The following RGS4 variants were observed in gnomAD, a reference collection of about 807,000 sequenced individuals.
RGS4 encodes the protein regulator of G protein signaling 4, also known as schizophrenia disorder 9.
In RGS4, 15 loss-of-function variants were observed where a neutral mutation model predicts 21.6. The ratio of observed to expected loss-of-function variants is 0.69; its 90% CI spans 0.46 to 1.07. The LOEUF (loss-of-function observed/expected upper bound fraction) is 1.07. Among genes scored for constraint, RGS4 ranks in the 50% least tolerant of loss-of-function variants. The pLI is 0.00. For missense variants in RGS4, 237 were observed against 239.0 expected, an observed-to-expected ratio of 0.99 and a Z score of 0.06; for synonymous variants, 94 against 85.5, an observed-to-expected ratio of 1.10 and a Z score of -0.55.
chr1:163,074,967 T>A lies in RGS4; in HGVS notation c.*407T>A, dbSNP rs1251599685. 1 of 486,890 alleles carries A rather than the reference T, an allele frequency of 2.1e-6. No individual in the cohort carries two copies. Among genetic ancestry groups the A allele is most frequent in the South Asian group, 2.5e-5 (1 of 39,762 alleles). 30.2% of individuals were successfully genotyped at this position (486,890 alleles called of 1,614,324 possible). ...CAGCACGTTCTCCAGACTCTAGATG[T>A]TTAGATGAGGTTGAGCTATGATATG... On this transcript the variant is annotated 3_prime_UTR_variant, in exon 5 of 5. Transcript: ENST00000367909.
In RGS4 at chr1:163,073,487, G is replaced by A. The variant is rs777526265; in HGVS notation, c.243G>A (p.Lys81=). Residue 81 remains lysine (K), a synonymous_variant, in exon 4 of 5, where the codon AAG becomes AAA. Coordinates refer to ENST00000367909, the MANE Select transcript of RGS4 (RefSeq NM_005613.6). ...TGGCAGCTTTCAAAGCTTTCTTGAA[G>A]TCTGAATATAGTGAGGAGAATATTG... The part of the protein sequence containing the change: ...CGLAAFKAFL[K]SEYSEENIDF... 3.1e-6 allele frequency: 5 copies of A among 1,594,908 alleles called. No homozygotes were observed. The Admixed American group carries it at 7.3e-5, about 23-fold the overall frequency.
At chr1:163,074,127 C>T in intron 4 of RGS4, 194 bp from the exon 5 acceptor site, 1 of 652,868 alleles carries the variant, frequency 1.5e-6, no homozygotes, top group Non-Finnish European at 2.6e-6. Context: ...GCCCTGCTCT[C>T]TCTAAAGCAG....
At position 163,071,968 on chromosome 1, in the gene RGS4, C is replaced by A. The variant is rs1046401281; in HGVS notation, c.45-427C>A. ...GGGGAACAGATGGAAATAGCAATCA[C>A]CTGCCAGAAGGTGGCGTGCAGCAAG... On this transcript the variant is annotated intron_variant, in intron 1 of 4. Coordinates refer to ENST00000367909, the MANE Select transcript of RGS4 (RefSeq NM_005613.6). 3.1e-5 allele frequency: 31 copies of A among 984,168 alleles called. No homozygotes were observed. In the Admixed American group the frequency reaches 1.7e-3, roughly 54 times the overall value. 61.0% of individuals were successfully genotyped at this position (984,168 alleles called of 1,614,324 possible). A position where few individuals can be genotyped will look rare whatever the true frequency, so the allele number is the denominator to read the frequency against.
At chr1:163,074,154 C>G (rs1655419360) in intron 4 of RGS4, 167 bp from the exon 5 acceptor site, 2 of 767,126 alleles carry the variant, frequency 2.6e-6, no homozygotes, top group Admixed American at 4.9e-5. Context: ...TCATTCTGAA[C>G]CTTTCATACT....
In RGS4 at chr1:163,075,084, T is replaced by C. The variant is rs546793260; in HGVS notation, c.*524T>C. 1.9e-3 allele frequency: 292 copies of C among 156,262 alleles called. No homozygotes were observed. The highest frequency in any genetic ancestry group is 2.6e-3 in the Non-Finnish European group (218 of 82,832). The allele number at this position is 156,262 out of a possible 1,614,324, so 9.7% of individuals were successfully genotyped here. A position where few individuals can be genotyped will look rare whatever the true frequency, so the allele number is the denominator to read the frequency against. On this transcript the variant is annotated 3_prime_UTR_variant, in exon 5 of 5. Coordinates refer to ENST00000367909, the MANE Select transcript of RGS4 (RefSeq NM_005613.6). ...ATATAGATGTCTGTGTATACATATG[T>C]ATGTGTGAGTGTATGTATACACACA...
upstream of RGS4, chr1:163,069,123 C>A: frequency 2.0e-6 from 3 of 1,504,506 alleles, 1 homozygote; most frequent in South Asian, 4.1e-5. Flanking sequence ...TCTAGAAATT[C>A]TAAACCTCTG....
At chr1:163,071,093 A>G (rs1260054887) in intron 1 of RGS4, among the ~76,000 whole-genome samples, 4 of 152,180 alleles carry the variant, frequency 2.6e-5, no homozygotes. Flanking sequence ...GCACATAGAA[A>G]TATGAATTCG....
At chr1:163,071,074 G>A (rs2344671) in intron 1 of RGS4, among the ~76,000 whole-genome samples, 18,520 of 152,090 alleles carry the variant, frequency 0.12, 1,194 homozygotes, top group Admixed American at 0.14. Flanking sequence ...AGGATCTCAG[G>A]TGGATCCAGC....
chr1:163,072,816 AG>A lies in RGS4; in HGVS notation c.163del (p.Glu55LysfsTer12). The A allele has an allele frequency of 6.2e-7, 1 of 1,612,994 alleles. No homozygotes were observed. The highest frequency in any genetic ancestry group is 2.2e-5 in the East Asian group (1 of 44,792). On this transcript the variant is annotated frameshift_variant, in exon 3 of 5. Coordinates refer to ENST00000367909, the MANE Select transcript of RGS4 (RefSeq NM_005613.6). LOFTEE classifies it high-confidence loss of function. ...TCTATTTTTTCTAGAGTGAGCCAAG[AG>A]GAAGTCAAGAAATGGGCTGAATCAC... The part of the protein sequence containing the change: ...KVVICQRVSQ[E>X]EVKKWAESLE...
At position 163,076,128 on chromosome 1, in the gene RGS4, T is replaced by C. The variant is rs908002423; in HGVS notation, c.*1568T>C. ...GAGGTACAGGATATCACCTGAATTA[T>C]TAATGAATGCCCAGGAAGTAATTTT... On this transcript the variant is annotated 3_prime_UTR_variant, in exon 5 of 5. Transcript: ENST00000367909. The C allele has an allele frequency of 6.6e-6, 1 of 152,630 alleles. No individual in the cohort carries two copies. Among genetic ancestry groups the C allele is most frequent in the African/African-American group, 2.4e-5 (1 of 41,464 alleles). 9.5% of individuals were successfully genotyped at this position (152,630 alleles called of 1,614,324 possible). A position where few individuals can be genotyped will look rare whatever the true frequency, so the allele number is the denominator to read the frequency against.
At position 163,075,843 on chromosome 1, in the gene RGS4, C is replaced by T. The variant is rs989245002; in HGVS notation, c.*1283C>T. ...AAATTTTCACAATTTGAAAAGCCCA[C>T]ATAAGTTTTCTCTTTTAAGGTAGAA... is the stretch of plus-strand genomic sequence containing the variant. On this transcript the variant is annotated 3_prime_UTR_variant, in exon 5 of 5. Transcript: ENST00000367909. 1 of 152,460 alleles carries T rather than the reference C, an allele frequency of 6.6e-6. No individual in the cohort carries two copies. Among genetic ancestry groups the T allele is most frequent in the African/African-American group, 2.4e-5 (1 of 41,386 alleles). 9.4% of individuals were successfully genotyped at this position (152,460 alleles called of 1,614,324 possible). A position where few individuals can be genotyped will look rare whatever the true frequency, so the allele number is the denominator to read the frequency against.
chr1:163,073,390 T>TGAAATAGCATATCCAAGAGGCCA (rs1655387456), intron 3 of RGS4, 66 bp from the exon 4 acceptor site: 4 of 1,308,198 alleles, frequency 3.1e-6, no homozygotes, highest in Admixed American at 2.6e-5. Context: ...CAGCTTTATG[T>TGAAATAGCATATCCAAGAGGCCA]GAAATAGCAT....
chr1:163,074,244 A>T, intron 4 of RGS4, 77 bp from the exon 5 acceptor site: 2 of 1,578,132 alleles, frequency 1.3e-6, no homozygotes, highest in Non-Finnish European at 1.7e-6. Context: ...TGCCACTTAC[A>T]AGTCACTACA....
At chr1:163,073,910 G>A (rs1200334766) in intron 4 of RGS4, 1 of 370,302 alleles carries the variant, frequency 2.7e-6, no homozygotes, top group Non-Finnish European at 4.8e-6. Context: ...TAGCCAACCT[G>A]ACCAAAAAGG....
At chr1:163,069,170 T>A, upstream of RGS4, 1 of 1,499,996 alleles carries the variant, frequency 6.7e-7, no homozygotes, top group South Asian at 1.4e-5. Context: ...TTTTCCCATA[T>A]CCCTACTTTT....
rs915888658 is a variant in RGS4, at chr1:163,074,465, C to A, written c.523C>A (p.Leu175Ile). The A allele has an allele frequency of 8.1e-6, 13 of 1,613,780 alleles. No homozygotes were observed. Among genetic ancestry groups the A allele is most frequent in the Non-Finnish European group, 1.1e-5 (13 of 1,179,836 alleles). The change falls in exon 5 of 5, where the codon CTT (leucine) becomes ATT (isoleucine). Residue 175 changes from leucine to isoleucine, a missense_variant. Coordinates refer to ENST00000367909, the MANE Select transcript of RGS4 (RefSeq NM_005613.6). Reference protein sequence around the residue: ...YRRFLKSRFYLDLVNPSSCGA... With the variant: ...YRRFLKSRFYIDLVNPSSCGA... ...CCGCTTCCTCAAGTCTCGATTCTAT[C>A]TTGATTTGGTCAACCCGTCCAGCTG...
In RGS4 at chr1:163,076,096, A is replaced by G. The variant is rs1172648994; in HGVS notation, c.*1536A>G. On this transcript the variant is annotated 3_prime_UTR_variant, in exon 5 of 5. Coordinates refer to ENST00000367909, the MANE Select transcript of RGS4 (RefSeq NM_005613.6). ...CGTGTTATTATTATTATATTGTTTT[A>G]TAAATGGAGGTACAGGATATCACCT... 6.6e-6 allele frequency: 1 copy of G among 152,560 alleles called. No homozygotes were observed. The highest frequency in any genetic ancestry group is 2.4e-5 in the African/African-American group (1 of 41,438). 9.5% of individuals were successfully genotyped at this position (152,560 alleles called of 1,614,324 possible). A position where few individuals can be genotyped will look rare whatever the true frequency, so the allele number is the denominator to read the frequency against.
Position 163,074,415 on chromosome 1 carries a change from AC to A in RGS4, c.475del (p.Leu159Ter). On this transcript the variant is annotated frameshift_variant, in exon 5 of 5. Coordinates refer to ENST00000367909, the MANE Select transcript of RGS4 (RefSeq NM_005613.6). LOFTEE classifies it high-confidence loss of function. ...CFDEAQKKIFNLMEKDSYRRF... is the reference protein window; with the variant it reads ...CFDEAQKKIFXLMEKDSYRRF... ...GATGAGGCCCAGAAGAAGATTTTCA[AC>A]CTGATGGAGAAGGATTCCTACCGCC... 6.2e-7 allele frequency: 1 copy of A among 1,613,900 alleles called. No individual in the cohort carries two copies. Among genetic ancestry groups the A allele is most frequent in the Non-Finnish European group, 8.5e-7 (1 of 1,179,848 alleles).
chr1:163,071,917 T>C (rs925774304), intron 1 of RGS4: 3 of 944,394 alleles, frequency 3.2e-6, no homozygotes, highest in Non-Finnish European at 3.7e-6. Flanking sequence ...TTTCCCGAGG[T>C]GCTTCTACAG....
Sources: allele counts gnomAD v4.1 joint callset (sites outside exome capture counted in the v4.1 genomes callset), GRCh38; gene constraint gnomAD v4.1.1; transcripts MANE v1.5; gene names NCBI Gene and HGNC (gene_info 2026-07-23, HGNC 2026-07-21).